Variants in LRRC4C observed in about 807,000 individuals in gnomAD.
The protein encoded by LRRC4C is leucine rich repeat containing 4C, also known as leucine-rich repeat-containing protein 4C.
Under a neutral mutation model 33.6 loss-of-function variants are expected in LRRC4C, and 5 were observed. The observed-to-expected ratio is 0.15, with a 90% confidence interval of 0.08 to 0.31. LRRC4C has a LOEUF of 0.31. Among genes scored for constraint, LRRC4C ranks in the 10% least tolerant of loss-of-function variants. LRRC4C has a pLI of 1.00. For missense variants in LRRC4C, 560 were observed against 796.7 expected, an observed-to-expected ratio of 0.70 and a Z score of 3.58; for synonymous variants, 329 against 302.0, an observed-to-expected ratio of 1.09 and a Z score of -0.93.
At chr11:41,416,487 C>T (rs114121332) in intron 1 of LRRC4C, among the ~76,000 whole-genome samples, 1,859 of 152,096 alleles carry the variant, frequency 0.012, 39 homozygotes, top group African/African-American at 0.043. Context: ...ATCACTGAAC[C>T]GCTTCTGTAT....
chr11:41,166,237 A>G (rs1276859110), intron 1 of LRRC4C, among the ~76,000 whole-genome samples: 3 of 152,206 alleles, frequency 2.0e-5, no homozygotes, highest in African/African-American at 7.2e-5. Flanking sequence ...AATATTTAAT[A>G]TATCTGTTTG....
At chr11:40,529,465 T>A (rs892674758) in intron 3 of LRRC4C, among the ~76,000 whole-genome samples, 3 of 151,674 alleles carry the variant, frequency 2.0e-5, no homozygotes, top group African/African-American at 4.8e-5. Context: ...GTCAGACAAG[T>A]GGAATATAAA....
intron 2 of LRRC4C, among the ~76,000 whole-genome samples, chr11:40,766,544 C>T (rs1432197919): frequency 6.6e-6 from 1 of 151,382 alleles, no homozygotes; most frequent in Non-Finnish European, 1.5e-5. Flanking sequence ...AATAACTATA[C>T]AACTTTTTAA....
At chr11:41,058,112 C>T (rs1858767142) in intron 1 of LRRC4C, among the ~76,000 whole-genome samples, 1 of 152,232 alleles carries the variant, frequency 6.6e-6, no homozygotes. Flanking sequence ...AGACATCCTC[C>T]TGGCTTGCCA....
chr11:41,100,096 T>A (rs969171059), intron 1 of LRRC4C, among the ~76,000 whole-genome samples: 22 of 151,852 alleles, frequency 1.4e-4, no homozygotes, highest in Admixed American at 1.4e-3. Context: ...CCATTCACAA[T>A]TGCTACAAAA....
intron 4 of LRRC4C, among the ~76,000 whole-genome samples, chr11:40,272,841 T>A (rs2136355645): frequency 6.6e-6 from 1 of 152,204 alleles, no homozygotes; most frequent in South Asian, 2.1e-4. Flanking sequence ...CATTCTTTTT[T>A]TTTTTGTCCC....
chr11:40,922,762 A>G lies in LRRC4C; in HGVS notation c.-407+10873T>C, dbSNP rs150732951. 1.9e-4 allele frequency among the ~76,000 whole-genome samples: 29 copies of G among 152,370 alleles called. No homozygotes were observed. In the East Asian group the frequency reaches 5.6e-3, roughly 29 times the overall value. ...TTTGCAAACAAATGCAAGGGCAGTA[A>G]TATATCAGTGATAGTTGATTGTGTT... is the stretch of plus-strand genomic sequence containing the variant. On this transcript the variant is annotated intron_variant, in intron 2 of 6. Coordinates refer to ENST00000528697, the MANE Select transcript of LRRC4C (RefSeq NM_001258419.2).
At chr11:40,759,739 TATC>T (rs1430490492) in intron 2 of LRRC4C, among the ~76,000 whole-genome samples, 1 of 151,956 alleles carries the variant, frequency 6.6e-6, no homozygotes, top group Non-Finnish European at 1.5e-5. Flanking sequence ...ATGAACAAAA[TATC>T]AAAATGATAT....
chr11:41,023,179 G>T (rs981304018), intron 1 of LRRC4C, among the ~76,000 whole-genome samples: 3 of 151,594 alleles, frequency 2.0e-5, no homozygotes, highest in African/African-American at 7.3e-5. Flanking sequence ...TCTACAAATG[G>T]ACACTTAAAA....
intron 3 of LRRC4C, among the ~76,000 whole-genome samples, chr11:40,576,526 A>G (rs1591156207): frequency 6.6e-6 from 1 of 152,350 alleles, no homozygotes; most frequent in East Asian, 1.9e-4. Flanking sequence ...GGCATCATGC[A>G]TCTCACTTAC....
intron 2 of LRRC4C, among the ~76,000 whole-genome samples, chr11:40,781,592 C>A (rs1950212736): frequency 6.6e-6 from 1 of 152,164 alleles, no homozygotes; most frequent in Admixed American, 6.6e-5. Context: ...CCTTTACCTA[C>A]AAGCACAAAA....
At position 40,999,447 on chromosome 11, in the gene LRRC4C, CAT is replaced by C. The variant is rs200342224; in HGVS notation, c.-495-65726_-495-65725del. On this transcript the variant is annotated intron_variant, in intron 1 of 6. Transcript: ENST00000528697. ...AGAATTCTTTAAAAATAATTTCTAACATAAATTATTTGTTTTTGTCTTAGCTC... is the reference window on the plus strand; with the variant it reads ...AGAATTCTTTAAAAATAATTTCTAACAAATTATTTGTTTTTGTCTTAGCTC... 6.4e-4 allele frequency among the ~76,000 whole-genome samples: 98 copies of C among 152,140 alleles called. 1 individual carries two copies. In the East Asian group the frequency reaches 0.018, roughly 27 times the overall value.
At chr11:40,430,506 A>G (rs1950878344) in intron 3 of LRRC4C, among the ~76,000 whole-genome samples, 1 of 152,186 alleles carries the variant, frequency 6.6e-6, no homozygotes, top group South Asian at 2.1e-4. Flanking sequence ...CAAGATTTAC[A>G]TGGTCAGACG....
intron 2 of LRRC4C, among the ~76,000 whole-genome samples, chr11:40,669,382 G>C (rs935427548): frequency 1.2e-4 from 19 of 152,186 alleles, no homozygotes; most frequent in Non-Finnish European, 2.6e-4. Flanking sequence ...AATTCTGAGA[G>C]ACTCACTTTT....
intron 5 of LRRC4C, among the ~76,000 whole-genome samples, chr11:40,156,004 T>C (rs1013096965): frequency 6.6e-6 from 1 of 152,144 alleles, no homozygotes; most frequent in Admixed American, 6.6e-5. Context: ...TAATCCACCA[T>C]GATCAAGTGT....
At chr11:40,681,647 C>A (rs1398712488) in intron 2 of LRRC4C, among the ~76,000 whole-genome samples, 2 of 151,236 alleles carry the variant, frequency 1.3e-5, no homozygotes, top group Non-Finnish European at 2.9e-5. Context: ...CACCTGTAAT[C>A]CCAACACTTT....
At chr11:40,188,169 A>G (rs982013550) in intron 5 of LRRC4C, among the ~76,000 whole-genome samples, 5 of 152,240 alleles carry the variant, frequency 3.3e-5, no homozygotes, top group Non-Finnish European at 7.3e-5. Context: ...CCGAAATCAA[A>G]TGATATTGTT....
chr11:41,203,174 A>C (rs1221326541), intron 1 of LRRC4C, among the ~76,000 whole-genome samples: 1 of 152,182 alleles, frequency 6.6e-6, no homozygotes, highest in African/African-American at 2.4e-5. Flanking sequence ...TTTATCTGTC[A>C]TTCACCCTGT....
chr11:40,312,006 T>C (rs867547906), intron 4 of LRRC4C, among the ~76,000 whole-genome samples: 2 of 152,088 alleles, frequency 1.3e-5, no homozygotes, highest in South Asian at 2.1e-4. Context: ...CTTTATGGTT[T>C]TGTATGTCTC....
Sources: gnomAD v4.1 joint callset for allele counts (sites outside exome capture counted in the v4.1 genomes callset) on GRCh38, gnomAD v4.1.1 for gene constraint, MANE v1.5 for transcripts, NCBI Gene and HGNC (gene_info 2026-07-23, HGNC 2026-07-21) for gene names.